The following CEMIP2 variants were observed in gnomAD, a reference collection of about 807,000 sequenced individuals.
CEMIP2 encodes cell surface hyaluronidase CEMIP2.
In CEMIP2, 79 loss-of-function variants were observed where a neutral mutation model predicts 146.9. The ratio of observed to expected loss-of-function variants is 0.54; its 90% confidence interval spans 0.45 to 0.65. The LOEUF (loss-of-function observed/expected upper bound fraction) is 0.65, where lower values mean the gene tolerates loss of function less well. CEMIP2 is among the 30% of genes least tolerant of loss of function. The pLI is 0.00. For missense variants in CEMIP2, 1,596 were observed against 1,696.2 expected (o/e 0.94, Z 1.04); for synonymous variants, 601 against 606.3 (o/e 0.99, Z 0.13).
chr9:71,703,507 G>C (rs1822636280), intron 18 of CEMIP2, among the ~76,000 whole-genome samples: 1 of 152,176 alleles, frequency 6.6e-6, no homozygotes, highest in African/African-American at 2.4e-5. Context: ...GTCCTTCTAT[G>C]TTCATTTCAA....
At chr9:71,755,278 A>G (rs1249002342) in intron 1 of CEMIP2, among the ~76,000 whole-genome samples, 2 of 150,424 alleles carry the variant, frequency 1.3e-5, no homozygotes, top group Non-Finnish European at 1.5e-5. Context: ...TGGGGGGTCA[A>G]TATGGGAGGA....
rs752045961 is a variant in CEMIP2 at position 71,685,877 on chromosome 9, A to G, written c.3852-31T>C. 5 of 1,494,284 alleles carry G rather than the reference A, an allele frequency of 3.3e-6. No individual in the cohort carries two copies. The East Asian group carries it at 1.1e-4, about 34-fold the overall frequency. The allele number at this position is 1,494,284 out of a possible 1,614,324, so 92.6% of individuals were successfully genotyped here. On this transcript the variant is annotated intron_variant, in intron 22 of 23. Coordinates refer to ENST00000377044, the MANE Select transcript of CEMIP2 (RefSeq NM_013390.3). ...TGTGAAATTTAGAAAGTCAGAGCCA[A>G]TTTCAATCCTTCAGCATGAGTATCT... is the stretch of plus-strand genomic sequence containing the variant.
chr9:71,728,482 A>T (rs1254906432), intron 10 of CEMIP2, among the ~76,000 whole-genome samples: 1 of 149,288 alleles, frequency 6.7e-6, no homozygotes, highest in Admixed American at 6.7e-5. Flanking sequence ...ACCCTGTCTC[A>T]GGGAGAAAAA....
At chr9:71,711,957 CTG>C (rs1346908694) in intron 16 of CEMIP2, 124 bp downstream of exon 16, 1 of 972,190 alleles carries the variant, frequency 1.0e-6, no homozygotes, top group Non-Finnish European at 1.5e-6. Flanking sequence ...GGAGCTGGCT[CTG>C]TGTGTATGTC....
chr9:71,696,825 G>A (rs1822417530), intron 20 of CEMIP2, among the ~76,000 whole-genome samples: 1 of 151,342 alleles, frequency 6.6e-6, no homozygotes, highest in Non-Finnish European at 1.5e-5. Flanking sequence ...ATTCTAGTGG[G>A]AAACATAAAT....
rs1822682481 is a variant in CEMIP2 at position 71,704,715 on chromosome 9, A to C, written c.3074T>G (p.Ile1025Ser). Reference protein sequence around the residue: ...YPSNPMVLRGINQKAAFPQYQ... With the variant: ...YPSNPMVLRGSNQKAAFPQYQ... ...CTGTGGAAAGGCAGCCTTCTGATTA[A>C]TACCTCGGAGCACCATAGGGTTGGA... The change falls in exon 18 of 24, where the codon ATT becomes AGT. Residue 1025 changes from isoleucine to serine, a missense_variant. Coordinates refer to ENST00000377044, the MANE Select transcript of CEMIP2 (RefSeq NM_013390.3). The C allele has an allele frequency of 6.2e-7, 1 of 1,614,084 alleles. No individual in the cohort carries two copies.
chr9:71,752,902 G>T (rs975986494), intron 1 of CEMIP2, among the ~76,000 whole-genome samples: 1 of 152,110 alleles, frequency 6.6e-6, no homozygotes, highest in Non-Finnish European at 1.5e-5. Flanking sequence ...CAGTGTTTCT[G>T]TCAAAAACAC....
intron 5 of CEMIP2, 22 bp from the exon 6 acceptor site, chr9:71,735,016 G>C: frequency 7.5e-7 from 1 of 1,334,876 alleles, no homozygotes; most frequent in Admixed American, 2.2e-5. Context: ...AAAAAAAAAA[G>C]AAAAAGAAAG....
intron 14 of CEMIP2, among the ~76,000 whole-genome samples, chr9:71,716,057 T>C (rs1823048260): frequency 6.6e-6 from 1 of 152,262 alleles, no homozygotes; most frequent in South Asian, 2.1e-4. Flanking sequence ...AATATAAGAA[T>C]TAAATGACAA....
chr9:71,761,678 G>A (rs1017342698), intron 1 of CEMIP2, among the ~76,000 whole-genome samples: 1 of 152,128 alleles, frequency 6.6e-6, no homozygotes, highest in Non-Finnish European at 1.5e-5. Flanking sequence ...ATGAGAAAAG[G>A]GTTCTGCTAG....
chr9:71,725,715 A>C lies in CEMIP2; in HGVS notation c.2050-6T>G, dbSNP rs778189472. On this transcript the variant is annotated splice_polypyrimidine_tract_variant and splice_region_variant and intron_variant, in intron 10 of 23. Transcript: ENST00000377044. The stretch of plus-strand genomic sequence containing the variant: ...AAATACCATATTCCAGCATCCTACA[A>C]ATGAAAGGACAAGCCCATTAAAAGC... 6.2e-7 allele frequency: 1 copy of C among 1,611,874 alleles called. No individual in the cohort carries two copies. The highest frequency in any genetic ancestry group is 1.1e-5 in the South Asian group (1 of 90,676).
intron 5 of CEMIP2, among the ~76,000 whole-genome samples, chr9:71,739,588 C>T (rs1823858247): frequency 6.6e-6 from 1 of 151,324 alleles, no homozygotes; most frequent in Admixed American, 6.6e-5. Context: ...TCTCTTCACG[C>T]CAAGCCCAGA....
At position 71,704,726 on chromosome 9, in the gene CEMIP2, C is replaced by T. The variant is rs1822683125; in HGVS notation, c.3063G>A (p.Val1021=). The T allele has an allele frequency of 2.5e-6, 4 of 1,614,098 alleles. No individual in the cohort carries two copies. Among genetic ancestry groups the T allele is most frequent in the Non-Finnish European group, 3.4e-6 (4 of 1,180,032 alleles). ...TRDEYPSNPM[V]LRGINQKAAF... The stretch of plus-strand genomic sequence containing the variant: ...CAGCCTTCTGATTAATACCTCGGAG[C>T]ACCATAGGGTTGGACGGATACTCAT... Residue 1021 remains valine (V), a synonymous_variant, in exon 18 of 24, where the codon GTG becomes GTA. Transcript: ENST00000377044.
intron 22 of CEMIP2, among the ~76,000 whole-genome samples, chr9:71,688,985 A>T (rs1822151986): frequency 6.6e-6 from 1 of 152,206 alleles, no homozygotes; most frequent in African/African-American, 2.4e-5. Flanking sequence ...CCAGTATCTT[A>T]AAAGCCTTTC....
chr9:71,759,417 C>A (rs1405976979), intron 1 of CEMIP2, among the ~76,000 whole-genome samples: 1 of 152,138 alleles, frequency 6.6e-6, no homozygotes, highest in Non-Finnish European at 1.5e-5. Flanking sequence ...TCACTAAAAT[C>A]CCTGCCATGA....
rs867315018 is a variant in CEMIP2 at position 71,755,364 on chromosome 9, C to T, written c.-12-4979G>A. Among the ~76,000 whole-genome samples the T allele has an allele frequency of 8.0e-3, 1,210 of 151,038 alleles. 11 individuals carry two copies. Among genetic ancestry groups the T allele is most frequent in the Middle Eastern group, 0.017 (5 of 292 alleles). The stretch of plus-strand genomic sequence containing the variant: ...CTGTCTCTACACACACACACACACA[C>T]ACACACACACACACACAAAATTAAA... On this transcript the variant is annotated intron_variant, in intron 1 of 23. Transcript: ENST00000377044.
chr9:71,694,590 A>T lies in CEMIP2; in HGVS notation c.3615T>A (p.Asp1205Glu), dbSNP rs778675200. 6.2e-7 allele frequency: 1 copy of T among 1,613,494 alleles called. No homozygotes were observed. The highest frequency in any genetic ancestry group is 1.1e-5 in the South Asian group (1 of 91,072). The part of the protein sequence containing the change: ...CGTRQVVFTS[D>E]PHKSYLPVQF... ...GCACAGGGAGGTAACTTTTATGAGG[A>T]TCACTAGTAAACACCACCTAGACAG... The change falls in exon 21 of 24, where the codon GAT becomes GAA. Residue 1205 changes from aspartate (D) to glutamate (E), a missense_variant. Asp to Glu is a conservative substitution (Grantham distance 45). Transcript: ENST00000377044.
chr9:71,714,340 G>A lies in CEMIP2; in HGVS notation c.2591+594C>T, dbSNP rs117191269. ...ATAGTTTCCTTAAAGCTTTGAAGAC[G>A]TGCTAAGTACAATTTTAATGACTCT... On this transcript the variant is annotated intron_variant, in intron 15 of 23. Coordinates refer to ENST00000377044, the MANE Select transcript of CEMIP2 (RefSeq NM_013390.3). Among the ~76,000 whole-genome samples, 41 of 151,212 alleles carry A rather than the reference G, an allele frequency of 2.7e-4. 1 individual carries two copies. In the East Asian group the frequency reaches 6.8e-3, roughly 25 times the overall value.
intron 16 of CEMIP2, among the ~76,000 whole-genome samples, chr9:71,710,323 A>G (rs1304282823): frequency 2.0e-5 from 3 of 152,202 alleles, no homozygotes; most frequent in Non-Finnish European, 4.4e-5. Flanking sequence ...AAATGCTTTT[A>G]TGCACTTTTT....
Sources: allele counts gnomAD v4.1 joint callset (sites outside exome capture counted in the v4.1 genomes callset), GRCh38; gene constraint gnomAD v4.1.1; transcripts MANE v1.5; gene names NCBI Gene and HGNC (gene_info 2026-07-23, HGNC 2026-07-21).